PCNP: variants seen among roughly 807,000 people sequenced by gnomAD.
The protein encoded by PCNP is PEST proteolytic signal containing nuclear protein, also known as PEST proteolytic signal-containing nuclear protein.
A neutral mutation model predicts 21.8 loss-of-function variants in PCNP; 6 were observed. The ratio of observed to expected loss-of-function variants is 0.28; its 90% CI spans 0.15 to 0.54. The LOEUF is 0.54. Among genes scored for constraint, PCNP ranks in the 20% least tolerant of loss-of-function variants. PCNP has a pLI of 0.95. For synonymous variants in PCNP, 67 were observed against 73.2 expected, an observed-to-expected ratio of 0.92 and a Z score of 0.43; for missense variants, 161 against 215.5, an observed-to-expected ratio of 0.75 and a Z score of 1.58.
intron 4 of PCNP, among the ~76,000 whole-genome samples, chr3:101,591,487 C>G (rs764255737): frequency 1.3e-5 from 2 of 152,198 alleles, no homozygotes; most frequent in African/African-American, 2.4e-5. Context: ...CAGTGGCTGC[C>G]TGCATGCCTT....
intron 4 of PCNP, among the ~76,000 whole-genome samples, 148 bp from the exon 5 acceptor site, chr3:101,592,472 CTGTGAAA>C (rs1210757216): frequency 6.6e-6 from 1 of 152,158 alleles, no homozygotes; most frequent in Non-Finnish European, 1.5e-5. Flanking sequence ...CATGCCTGGC[CTGTGAAA>C]TGTATTTTTA....
intron 4 of PCNP, among the ~76,000 whole-genome samples, chr3:101,591,771 T>G (rs888904810): frequency 7.1e-6 from 1 of 140,744 alleles, no homozygotes; most frequent in Non-Finnish European, 1.5e-5. Context: ...TTGGTGTTTT[T>G]TTTTTTTTTT....
rs1433739203 is a variant in PCNP at position 101,593,708 on chromosome 3, A to G, written c.*955A>G. 6.6e-6 allele frequency: 1 copy of G among 152,650 alleles called. No homozygotes were observed. The highest frequency in any genetic ancestry group is 1.5e-5 in the Non-Finnish European group (1 of 68,026). 9.5% of individuals were successfully genotyped at this position (152,650 alleles called of 1,614,324 possible). ...GTAACTTTGTCTAAGGATTTAAATT[A>G]CTAACTTATGAACTCCAATTTGAAT... On this transcript the variant is annotated 3_prime_UTR_variant, in exon 5 of 5. Transcript: ENST00000265260.
chr3:101,584,846 C>T (rs1210726698), intron 2 of PCNP, among the ~76,000 whole-genome samples: 2 of 152,162 alleles, frequency 1.3e-5, no homozygotes, highest in Non-Finnish European at 1.5e-5. Context: ...ACTAAATATA[C>T]AAAATAAATT....
rs544133424 is a variant in PCNP, at chr3:101,594,415, A to G, written c.*1662A>G. ...CTGAGATGAATGTCTTTACTAAAGT[A>G]CCAATAAATTTGTCAAACTCAATAG... On this transcript the variant is annotated 3_prime_UTR_variant, in exon 5 of 5. Coordinates refer to ENST00000265260, the MANE Select transcript of PCNP (RefSeq NM_020357.3). 2 of 152,598 alleles carry G rather than the reference A, an allele frequency of 1.3e-5. No individual in the cohort carries two copies. The highest frequency in any genetic ancestry group is 4.8e-5 in the African/African-American group (2 of 41,590). The allele number at this position is 152,598 out of a possible 1,614,324, so 9.5% of individuals were successfully genotyped here. A position where few individuals can be genotyped will look rare whatever the true frequency, so the allele number is the denominator to read the frequency against.
At chr3:101,588,900 T>TA (rs1170276005) in intron 3 of PCNP, among the ~76,000 whole-genome samples, 3 of 152,252 alleles carry the variant, frequency 2.0e-5, no homozygotes, top group African/African-American at 4.8e-5. Context: ...ATCATTTGGT[T>TA]AAAGTGGTGC....
intron 2 of PCNP, among the ~76,000 whole-genome samples, chr3:101,582,171 A>C (rs1310388425): frequency 6.6e-6 from 1 of 151,228 alleles, no homozygotes; most frequent in East Asian, 2.0e-4. Context: ...AATAAACTGC[A>C]AGACTGGGCG....
Position 101,585,511 on chromosome 3 carries a change from T to A in PCNP, c.354T>A (p.Asp118Glu). 1 of 1,597,108 alleles carries A rather than the reference T, an allele frequency of 6.3e-7. No individual in the cohort carries two copies. Among genetic ancestry groups the A allele is most frequent in the Non-Finnish European group, 8.6e-7 (1 of 1,168,472 alleles). ...SVAAAFNEDE[D>E]SEPEEMPPEA... is the part of the protein sequence containing the mutation. ...CAGCAGCTTTTAATGAAGATGAAGATGTAAGTTGATATCGAGTTTTGTTTT... is the reference window on the plus strand; with the variant it reads ...CAGCAGCTTTTAATGAAGATGAAGAAGTAAGTTGATATCGAGTTTTGTTTT... Residue 118 changes from aspartate to glutamate, a missense_variant and splice_region_variant, in exon 3 of 5, where the codon GAT (aspartate) becomes GAA (glutamate). Coordinates refer to ENST00000265260, the MANE Select transcript of PCNP (RefSeq NM_020357.3).
At position 101,585,531 on chromosome 3, in the gene PCNP, TG is replaced by T. The variant is rs759314283; in HGVS notation, c.354+21del. 2.6e-6 allele frequency: 4 copies of T among 1,553,928 alleles called. No homozygotes were observed. In the South Asian group the frequency reaches 4.6e-5, roughly 18 times the overall value. On this transcript the variant is annotated intron_variant, in intron 3 of 4. Coordinates refer to ENST00000265260, the MANE Select transcript of PCNP (RefSeq NM_020357.3). ...GAAGATGTAAGTTGATATCGAGTTT[TG>T]TTTTTTTACTTTAACCAGTTATTTA...
chr3:101,583,817 A>ATTTTT (rs564200727), intron 2 of PCNP, among the ~76,000 whole-genome samples: 2 of 104,050 alleles, frequency 1.9e-5, no homozygotes, highest in African/African-American at 3.9e-5. Flanking sequence ...TATCCAGCTA[A>ATTTTT]TTTTTTTTTT....
At chr3:101,583,942 G>A (rs1935365645) in intron 2 of PCNP, among the ~76,000 whole-genome samples, 2 of 149,726 alleles carry the variant, frequency 1.3e-5, no homozygotes, top group South Asian at 4.2e-4. Flanking sequence ...GGGATTACAA[G>A]CATGAGCCCC....
At chr3:101,590,650 C>T (rs979871825) in intron 4 of PCNP, among the ~76,000 whole-genome samples, 1 of 151,924 alleles carries the variant, frequency 6.6e-6, no homozygotes, top group Non-Finnish European at 1.5e-5. Flanking sequence ...ACTCAAGCTG[C>T]CCTCCCACCT....
At chr3:101,588,421 C>T (rs1935645507) in intron 3 of PCNP, among the ~76,000 whole-genome samples, 1 of 152,180 alleles carries the variant, frequency 6.6e-6, no homozygotes, top group Admixed American at 6.5e-5. Flanking sequence ...ATTTAGACAA[C>T]ATTCTTTCTC....
At chr3:101,574,334 A>T in intron 1 of PCNP, 55 bp downstream of exon 1, 13 of 1,168,664 alleles carry the variant, frequency 1.1e-5, no homozygotes, top group Middle Eastern at 2.5e-4. Context: ...CCTTTCTTTG[A>T]GCTCCCAGGG....
chr3:101,586,188 A>G (rs1339967796), intron 3 of PCNP, among the ~76,000 whole-genome samples: 1 of 151,314 alleles, frequency 6.6e-6, no homozygotes, highest in Non-Finnish European at 1.5e-5. Flanking sequence ...AAAAAAAAAA[A>G]AAAAAAAAAT....
chr3:101,583,855 GT>G (rs1279112968), intron 2 of PCNP, among the ~76,000 whole-genome samples: 1 of 54,114 alleles, frequency 1.8e-5, no homozygotes, highest in Non-Finnish European at 4.4e-5. Flanking sequence ...TAGAGAGAGG[GT>G]TTCACCATGT....
At position 101,576,728 on chromosome 3, in the gene PCNP, G is replaced by A. The variant is rs574614035; in HGVS notation, c.64+2449G>A. On this transcript the variant is annotated intron_variant, in intron 1 of 4. Coordinates refer to ENST00000265260, the MANE Select transcript of PCNP (RefSeq NM_020357.3). ...CAGTCTGGGATCTTGTACTGGCGTG[G>A]ATTCTGCATAACGGTGATCACACGT... The A allele has an allele frequency of 2.5e-6, 4 of 1,611,930 alleles. No homozygotes were observed. The Admixed American group carries it at 5.0e-5, about 20-fold the overall frequency.
intron 1 of PCNP, among the ~76,000 whole-genome samples, chr3:101,577,227 C>A (rs540247598): frequency 1.4e-4 from 22 of 152,144 alleles, no homozygotes; most frequent in African/African-American, 4.8e-4. Flanking sequence ...TTGGTTAAAT[C>A]TTTGTAGCTG....
chr3:101,579,099 G>GA (rs1233468839), intron 1 of PCNP, among the ~76,000 whole-genome samples: 1 of 150,844 alleles, frequency 6.6e-6, no homozygotes, highest in Non-Finnish European at 1.5e-5. Context: ...CATCTTTCAT[G>GA]AAAAAAACTA....
Sources: gnomAD v4.1 joint callset for allele counts (sites outside exome capture counted in the v4.1 genomes callset) on GRCh38, gnomAD v4.1.1 for gene constraint, MANE v1.5 for transcripts, NCBI Gene and HGNC (gene_info 2026-07-23, HGNC 2026-07-21) for gene names.